REXO5: variants seen among roughly 807,000 people sequenced by gnomAD.
REXO5 encodes exonuclease NEF-sp.
In REXO5, 48 loss-of-function variants were observed where a neutral mutation model predicts 88.5. That is an observed-to-expected ratio of 0.54 (90% CI 0.43 to 0.69). The LOEUF is 0.69. Ranked by LOEUF, REXO5 falls within the 30% of genes least tolerant of loss-of-function variation. The probability of loss-of-function intolerance (pLI) is 0.00; values close to 1 mark genes in which losing one functional copy is unlikely to be tolerated. For missense variants in REXO5, 749 were observed against 912.2 expected, an observed-to-expected ratio of 0.82 and a Z score of 2.30; for synonymous variants, 311 against 336.5, an observed-to-expected ratio of 0.92 and a Z score of 0.83.
rs2080885940 is a variant in REXO5, at chr16:20,806,800, G to A, written c.-3+95G>A. The A allele has an allele frequency of 2.4e-6, 3 of 1,276,204 alleles. No individual in the cohort carries two copies. The Admixed American group carries it at 8.7e-5, about 37-fold the overall frequency. 79.1% of individuals were successfully genotyped at this position (1,276,204 alleles called of 1,614,324 possible). ...ATCGTTGGCACCTTCGCTTTTTTAG[G>A]GGAACGGGGATAGTTCGGTAAACTG... On this transcript the variant is annotated intron_variant, in intron 1 of 19. Transcript: ENST00000261377.
intron 13 of REXO5, among the ~76,000 whole-genome samples, chr16:20,836,667 A>G (rs913631164): frequency 1.3e-5 from 2 of 152,236 alleles, no homozygotes; most frequent in African/African-American, 2.4e-5. Context: ...TCTAGATTGT[A>G]TAGTAAGAAT....
intron 15 of REXO5, among the ~76,000 whole-genome samples, chr16:20,843,582 C>T (rs2081562302): frequency 6.6e-6 from 1 of 152,188 alleles, no homozygotes; most frequent in South Asian, 2.1e-4. Flanking sequence ...GTAGCCTATC[C>T]AGTGGAAGAA....
At chr16:20,818,641 T>C (rs1244221741) in intron 5 of REXO5, among the ~76,000 whole-genome samples, 1 of 152,198 alleles carries the variant, frequency 6.6e-6, no homozygotes, top group Admixed American at 6.5e-5. Flanking sequence ...AGCTAATTTT[T>C]GTATTTTTAG....
Position 20,809,217 on chromosome 16 carries a change from A to T in REXO5, c.138+2126A>T, listed in dbSNP as rs372423901. Among the ~76,000 whole-genome samples, 90 of 152,222 alleles carry T rather than the reference A, an allele frequency of 5.9e-4. 2 individuals carry two copies. The highest frequency in any genetic ancestry group is 1.9e-3 in the South Asian group (9 of 4,836). On this transcript the variant is annotated intron_variant, in intron 2 of 19. Transcript: ENST00000261377. The stretch of plus-strand genomic sequence containing the variant: ...CTCCCCTCAACCAACATTTGAAAGT[A>T]GTTGCTGACACAATGGTCTTTTTCT...
At chr16:20,845,010 T>A in intron 17 of REXO5, 44 bp from the exon 18 acceptor site, 5 of 1,595,712 alleles carry the variant, frequency 3.1e-6, no homozygotes, top group Non-Finnish European at 4.3e-6. Context: ...GGTGATCAGC[T>A]TTCTTGGCCC....
At chr16:20,825,987 C>T (rs904573314) in intron 8 of REXO5, 39 bp downstream of exon 8, 8 of 1,331,778 alleles carry the variant, frequency 6.0e-6, no homozygotes, top group African/African-American at 2.9e-5. Context: ...TAAGAGCTAT[C>T]GGGCTAGAAT....
rs2081075515 is a variant in REXO5, at chr16:20,816,014, C to T, written c.379-102C>T. ...ATTTTAAAATGCTAACAATTACTGTCTAGAACTTTCAAAGCACTGAGGTGA... is the reference window on the plus strand; with the variant it reads ...ATTTTAAAATGCTAACAATTACTGTTTAGAACTTTCAAAGCACTGAGGTGA... On this transcript the variant is annotated intron_variant, in intron 4 of 19. Transcript: ENST00000261377. 1.1e-5 allele frequency: 10 copies of T among 874,544 alleles called. No individual in the cohort carries two copies. In the South Asian group the frequency reaches 1.6e-4, roughly 14 times the overall value. 54.2% of individuals were successfully genotyped at this position (874,544 alleles called of 1,614,324 possible).
intron 19 of REXO5, among the ~76,000 whole-genome samples, chr16:20,847,145 C>T (rs543975307): frequency 6.6e-6 from 1 of 151,862 alleles, no homozygotes; most frequent in Non-Finnish European, 1.5e-5. Context: ...CGCAGTGGCT[C>T]ATGCCTATAA....
Position 20,806,962 on chromosome 16 carries a change from A to G in REXO5, c.9A>G (p.Pro3=). 2 of 1,592,168 alleles carry G rather than the reference A, an allele frequency of 1.3e-6. No homozygotes were observed. The highest frequency in any genetic ancestry group is 4.5e-5 in the East Asian group (2 of 44,068). ...CATCTTTCTCCACAGCCATGGAGCC[A>G]GAGAGGGAAGGGACCGAGAGACACC... ME[P]EREGTERHPR... The change falls in exon 2 of 20, where the codon CCA becomes CCG. Residue 3 remains proline, a synonymous_variant. Transcript: ENST00000261377.
At chr16:20,848,087 A>T (rs2081637970) in intron 19 of REXO5, among the ~76,000 whole-genome samples, 1 of 152,192 alleles carries the variant, frequency 6.6e-6, no homozygotes. Context: ...CTATCCTTTA[A>T]AAGTCACATT....
chr16:20,816,325 ATT>A (rs5816137), intron 5 of REXO5, 113 bp downstream of exon 5: 69,375 of 481,202 alleles, frequency 0.14, 607 homozygotes, highest in South Asian at 0.22. Context: ...CACAAAAACA[ATT>A]TTTTTTTTTT....
At chr16:20,849,067 C>G (rs1189839508) in intron 19 of REXO5, among the ~76,000 whole-genome samples, 1 of 152,236 alleles carries the variant, frequency 6.6e-6, no homozygotes, top group African/African-American at 2.4e-5. Flanking sequence ...CTTAGAACAA[C>G]TCTTGGCATG....
chr16:20,824,729 G>T (rs1231322058), intron 7 of REXO5, among the ~76,000 whole-genome samples: 1 of 152,134 alleles, frequency 6.6e-6, no homozygotes, highest in Non-Finnish European at 1.5e-5. Context: ...CACATAAGTG[G>T]CTGGGTGCCG....
chr16:20,806,777 C>T, intron 1 of REXO5, 72 bp downstream of exon 1: 1 of 1,118,948 alleles, frequency 8.9e-7, no homozygotes, highest in Non-Finnish European at 1.2e-6. Flanking sequence ...ACGGGGAGAT[C>T]GTTGGCACCT....
chr16:20,821,828 G>A lies in REXO5; in HGVS notation c.542G>A (p.Gly181Asp). 6.2e-7 allele frequency: 1 copy of A among 1,608,890 alleles called. No individual in the cohort carries two copies. The highest frequency in any genetic ancestry group is 2.2e-5 in the East Asian group (1 of 44,716). ...LQDDPIIQKY[G>D]SKKVGLTRCL... ...GATGATCCCATCATTCAAAAGTATG[G>A]CTCTAAGAAAGTGGGCTTGACCAGA... The change falls in exon 6 of 20, where the codon GGC (glycine) becomes GAC (aspartate). Residue 181 changes from glycine to aspartate, a missense_variant. Gly to Asp is a moderately conservative substitution (Grantham distance 94, BLOSUM62 -1). Coordinates refer to ENST00000261377, the MANE Select transcript of REXO5 (RefSeq NM_030941.3).
chr16:20,807,194 C>T, intron 2 of REXO5, 103 bp downstream of exon 2: 3 of 1,333,768 alleles, frequency 2.2e-6, no homozygotes, highest in Non-Finnish European at 3.1e-6. Context: ...GGCTCTCCGC[C>T]CTGGCCTCTC....
intron 19 of REXO5, among the ~76,000 whole-genome samples, chr16:20,847,286 C>G (rs2081622635): frequency 1.3e-5 from 2 of 149,894 alleles, no homozygotes; most frequent in African/African-American, 4.9e-5. Flanking sequence ...AAAAAAAAAA[C>G]CCAGCCAGGT....
intron 11 of REXO5, 62 bp from the exon 12 acceptor site, chr16:20,832,094 A>T: frequency 1.8e-6 from 2 of 1,114,614 alleles, no homozygotes; most frequent in Non-Finnish European, 2.7e-6. Flanking sequence ...TTTGTTTTGT[A>T]TTTATTTGAG....
At chr16:20,806,749 G>C (rs1259776691) in intron 1 of REXO5, 44 bp downstream of exon 1, 3 of 1,006,332 alleles carry the variant, frequency 3.0e-6, no homozygotes, top group Non-Finnish European at 4.3e-6. Context: ...AGAGCGGCGC[G>C]GGTGTCCAGT....
Sources: allele counts gnomAD v4.1 joint callset (sites outside exome capture counted in the v4.1 genomes callset), GRCh38; gene constraint gnomAD v4.1.1; transcripts MANE v1.5; gene names NCBI Gene and HGNC (gene_info 2026-07-23, HGNC 2026-07-21).